Variants in LRRC49 observed in about 807,000 individuals in gnomAD.
The protein encoded by LRRC49 is leucine-rich repeat-containing protein 49.
LRRC49 carries 50 observed loss-of-function variants against 83.3 expected under a neutral mutation model. The ratio of observed to expected loss-of-function variants is 0.60; its 90% CI spans 0.48 to 0.76. The LOEUF is 0.76. Among genes scored for constraint, LRRC49 ranks in the 30% least tolerant of loss-of-function variants. LRRC49 has a pLI of 0.00. For missense variants in LRRC49, 704 were observed against 809.1 expected (o/e 0.87, Z 1.58); for synonymous variants, 286 against 283.3 (o/e 1.01, Z -0.10).
At chr15:70,996,801 T>C (rs191154416) in intron 11 of LRRC49, among the ~76,000 whole-genome samples, 1 of 152,338 alleles carries the variant, frequency 6.6e-6, no homozygotes, top group Admixed American at 6.5e-5. Context: ...TTGCAACTTC[T>C]ATCAGCTACA....
intron 7 of LRRC49, among the ~76,000 whole-genome samples, chr15:70,927,625 ATG>A (rs1272311102): frequency 2.0e-5 from 3 of 152,048 alleles, no homozygotes; most frequent in Admixed American, 2.0e-4. Context: ...CTATTTAGAT[ATG>A]TGATTCATTT....
At chr15:70,936,535 A>C (rs1567059865) in intron 7 of LRRC49, 2 of 439,812 alleles carry the variant, frequency 4.5e-6, no homozygotes, top group Admixed American at 7.4e-5. Flanking sequence ...CTGTCTCCTC[A>C]GTGCTTTTTA....
chr15:70,969,032 G>A (rs2036895700), intron 9 of LRRC49, among the ~76,000 whole-genome samples: 1 of 152,112 alleles, frequency 6.6e-6, no homozygotes, highest in Non-Finnish European at 1.5e-5. Context: ...GTTGCTTTTG[G>A]TGTTTTAGTC....
intron 1 of LRRC49, among the ~76,000 whole-genome samples, chr15:70,865,252 G>A (rs1409077087): frequency 3.3e-5 from 5 of 152,136 alleles, no homozygotes; most frequent in African/African-American, 1.2e-4. Context: ...ATACAGAAAG[G>A]TTGAAATAAT....
At chr15:70,869,773 C>T (rs941428005) in intron 1 of LRRC49, among the ~76,000 whole-genome samples, 2 of 152,172 alleles carry the variant, frequency 1.3e-5, no homozygotes, top group African/African-American at 4.8e-5. Context: ...TTCCAATATT[C>T]TCCCTTTTTG....
chr15:70,858,590 C>T lies in LRRC49; in HGVS notation c.-299+5121C>T, dbSNP rs914768758. ...TTGCACTCCTGCCTGGGCGACAGAG[C>T]GAGACTTGGTCTCAATTAAAAACAA... On this transcript the variant is annotated intron_variant, in intron 1 of 16. Coordinates refer to the LRRC49 transcript ENST00000544974. The T allele has an allele frequency of 4.5e-5, 22 of 486,536 alleles. 1 individual carries two copies. Among genetic ancestry groups the T allele is most frequent in the African/African-American group, 2.8e-4 (14 of 50,880 alleles). 30.1% of individuals were successfully genotyped at this position (486,536 alleles called of 1,614,324 possible).
Position 71,007,709 on chromosome 15 carries a change from G to GTGTATATATATATA in LRRC49, c.1170-669_1170-668insGTATATATATATAT, listed in dbSNP as rs964626080. On this transcript the variant is annotated intron_variant, in intron 11 of 15. Transcript: ENST00000260382. ...AAATTCAGTGCAGTATGAGAAGCAT[G>GTGTATATATATATA]TATATATATATATATATATATATAT... 1.1e-3 allele frequency among the ~76,000 whole-genome samples: 150 copies of GTGTATATATATATA among 137,692 alleles called. 1 individual carries two copies. The highest frequency in any genetic ancestry group is 4.0e-3 in the African/African-American group (147 of 36,624). 90.3% of individuals were successfully genotyped at this position (137,692 alleles called of 152,430 possible).
chr15:70,985,348 T>C (rs575163547), intron 11 of LRRC49, among the ~76,000 whole-genome samples: 1 of 151,924 alleles, frequency 6.6e-6, no homozygotes, highest in Non-Finnish European at 1.5e-5. Flanking sequence ...GGTATCTCAT[T>C]GTGGTTTTGA....
chr15:71,027,624 A>C (rs2039216878), intron 14 of LRRC49, among the ~76,000 whole-genome samples: 1 of 151,572 alleles, frequency 6.6e-6, no homozygotes, highest in Admixed American at 6.6e-5. Flanking sequence ...TTCCTATTTG[A>C]TTATTTGTAG....
chr15:70,984,446 T>C, intron 11 of LRRC49, 189 bp downstream of exon 11: 1 of 480,744 alleles, frequency 2.1e-6, no homozygotes, highest in Non-Finnish European at 3.5e-6. Flanking sequence ...AAAACATGCT[T>C]CATAGGGCAT....
chr15:70,955,646 C>T (rs1025788786), intron 8 of LRRC49, among the ~76,000 whole-genome samples: 19 of 152,156 alleles, frequency 1.2e-4, no homozygotes. Context: ...AAAATGCCAT[C>T]ACAGCATAAA....
In LRRC49 at chr15:70,983,961, T is replaced by C. The variant is rs2037496526; in HGVS notation, c.1006-133T>C. The stretch of plus-strand genomic sequence containing the variant: ...TCTTGAATCTTGTTTTAGAATGTAT[T>C]GGGTATCTACTTAAAAGGAACAGGC... On this transcript the variant is annotated intron_variant, in intron 10 of 15. Coordinates refer to ENST00000260382, the MANE Select transcript of LRRC49 (RefSeq NM_017691.5). 1.6e-5 allele frequency: 10 copies of C among 636,426 alleles called. 1 individual carries two copies. The South Asian group carries it at 2.0e-4, about 13-fold the overall frequency. 39.4% of individuals were successfully genotyped at this position (636,426 alleles called of 1,614,324 possible). A position where few individuals can be genotyped will look rare whatever the true frequency, so the allele number is the denominator to read the frequency against.
At chr15:71,015,114 T>C (rs764236410) in intron 14 of LRRC49, among the ~76,000 whole-genome samples, 12 of 152,064 alleles carry the variant, frequency 7.9e-5, no homozygotes, top group Non-Finnish European at 1.5e-4. Context: ...CTAGTTGGAA[T>C]TGGGATGGGT....
intron 15 of LRRC49, among the ~76,000 whole-genome samples, chr15:71,043,751 G>A (rs1322207759): frequency 6.6e-6 from 1 of 152,138 alleles, no homozygotes; most frequent in African/African-American, 2.4e-5. Context: ...AACAGTGGAA[G>A]TAACTATAGC....
intron 2 of LRRC49, chr15:70,894,725 G>A: frequency 1.4e-6 from 1 of 717,066 alleles, no homozygotes; most frequent in South Asian, 1.7e-5. Flanking sequence ...AAAGTGAAGG[G>A]CAGAGTTCAC....
intron 15 of LRRC49, among the ~76,000 whole-genome samples, chr15:71,040,349 T>C (rs2039661204): frequency 6.6e-6 from 1 of 152,172 alleles, no homozygotes; most frequent in Non-Finnish European, 1.5e-5. Context: ...CCATACCTTA[T>C]ATAATCCCCT....
intron 1 of LRRC49, among the ~76,000 whole-genome samples, chr15:70,861,680 A>T (rs1388962631): frequency 6.6e-6 from 1 of 152,182 alleles, no homozygotes. Context: ...ATACTTTGGA[A>T]AGTATATTCA....
intron 9 of LRRC49, among the ~76,000 whole-genome samples, chr15:70,965,865 A>T (rs888926190): frequency 6.6e-6 from 1 of 152,034 alleles, no homozygotes; most frequent in Non-Finnish European, 1.5e-5. Context: ...TCTTTTATTT[A>T]TAACTTTTTA....
chr15:70,989,033 T>C (rs1470988299), intron 11 of LRRC49, among the ~76,000 whole-genome samples: 1 of 152,236 alleles, frequency 6.6e-6, no homozygotes, highest in Non-Finnish European at 1.5e-5. Context: ...CTTCCCTTTG[T>C]GGGTAACCTG....
Sources: allele counts gnomAD v4.1 joint callset (sites outside exome capture counted in the v4.1 genomes callset), GRCh38; gene constraint gnomAD v4.1.1; transcripts MANE v1.5; gene names NCBI Gene and HGNC (gene_info 2026-07-23, HGNC 2026-07-21).